RIMS1: variants seen among roughly 807,000 people sequenced by gnomAD.
RIMS1 encodes the protein regulating synaptic membrane exocytosis protein 1.
RIMS1 carries 83 observed loss-of-function variants against 214.1 expected under a neutral mutation model. The ratio of observed to expected loss-of-function variants is 0.39; its 90% CI spans 0.32 to 0.47. RIMS1 has a LOEUF of 0.47. Ranked by LOEUF, RIMS1 falls within the 20% of genes least tolerant of loss-of-function variation. The pLI, the probability that RIMS1 is intolerant of heterozygous loss-of-function variation, is 0.99. For missense variants in RIMS1, 2,050 were observed against 2,161.8 expected (o/e 0.95, Z 1.03); for synonymous variants, 793 against 786.8 (o/e 1.01, Z -0.13).
chr6:71,990,342 C>T lies in RIMS1; in HGVS notation c.245+21279C>T, dbSNP rs146439652. 1.1e-4 allele frequency among the ~76,000 whole-genome samples: 17 copies of T among 152,224 alleles called. No individual in the cohort carries two copies. In the East Asian group the frequency reaches 3.3e-3, roughly 29 times the overall value. ...TGAGGCTTCACTCACTACAGGGTTA[C>T]AGGCATTGAAGTTTTGTTTTGCTCC... On this transcript the variant is annotated intron_variant, in intron 2 of 33. Coordinates refer to ENST00000521978, the MANE Select transcript of RIMS1 (RefSeq NM_014989.7).
intron 4 of RIMS1, among the ~76,000 whole-genome samples, chr6:72,126,322 G>A (rs1042709385): frequency 1.3e-5 from 2 of 152,096 alleles, no homozygotes; most frequent in Non-Finnish European, 2.9e-5. Flanking sequence ...AAGTATTCTG[G>A]AAGATAACAT....
chr6:72,130,333 A>G (rs2040246560), intron 4 of RIMS1, among the ~76,000 whole-genome samples: 1 of 152,138 alleles, frequency 6.6e-6, no homozygotes, highest in Non-Finnish European at 1.5e-5. Context: ...CTTTTCAGAG[A>G]AAATCATTTT....
chr6:72,181,823 G>A (rs1231631413), intron 5 of RIMS1, among the ~76,000 whole-genome samples: 2 of 152,194 alleles, frequency 1.3e-5, no homozygotes, highest in Non-Finnish European at 2.9e-5. Context: ...AAAATTAAAG[G>A]TAGAGATGAG....
intron 2 of RIMS1, among the ~76,000 whole-genome samples, chr6:72,073,756 C>A (rs557509894): frequency 6.6e-6 from 1 of 152,176 alleles, no homozygotes; most frequent in Non-Finnish European, 1.5e-5. Flanking sequence ...TTCAGTTCTG[C>A]CTTTATCTAT....
At chr6:72,154,818 A>G (rs75082332) in intron 4 of RIMS1, among the ~76,000 whole-genome samples, 1,501 of 140,808 alleles carry the variant, frequency 0.011, 284 homozygotes, top group Non-Finnish European at 0.018. Flanking sequence ...AAATGAGAAC[A>G]TAGTGTTTGA....
Position 72,251,099 on chromosome 6 carries a change from T to C in RIMS1, c.2544+7T>C. The C allele has an allele frequency of 6.4e-7, 1 of 1,572,920 alleles. No homozygotes were observed. On this transcript the variant is annotated splice_region_variant and intron_variant, in intron 14 of 33. Transcript: ENST00000521978. ...AAGTGAATTTCTTGGAGAGGTGATG[T>C]ATATTTTAAAAACTCAAGTCAAATA...
chr6:71,972,989 C>T (rs1373823154), intron 2 of RIMS1, among the ~76,000 whole-genome samples: 1 of 152,186 alleles, frequency 6.6e-6, no homozygotes, highest in African/African-American at 2.4e-5. Context: ...AATCTCAGCT[C>T]ACTGCAACCT....
intron 2 of RIMS1, among the ~76,000 whole-genome samples, chr6:71,989,792 C>T (rs1801039236): frequency 6.6e-6 from 1 of 152,156 alleles, no homozygotes; most frequent in Non-Finnish European, 1.5e-5. Context: ...GGAATAGGAG[C>T]TATTCCACTG....
intron 2 of RIMS1, among the ~76,000 whole-genome samples, chr6:72,082,194 T>G (rs971551497): frequency 6.6e-6 from 1 of 152,240 alleles, no homozygotes; most frequent in Non-Finnish European, 1.5e-5. Context: ...TCAATCTATG[T>G]ATTTTATTTC....
intron 1 of RIMS1, among the ~76,000 whole-genome samples, chr6:71,958,016 C>T (rs1791798943): frequency 6.6e-6 from 1 of 152,060 alleles, no homozygotes; most frequent in Non-Finnish European, 1.5e-5. Context: ...AAGGCTTTAT[C>T]AAGATGTTGT....
chr6:72,234,751 G>T (rs1005482984), intron 7 of RIMS1, among the ~76,000 whole-genome samples: 1 of 151,926 alleles, frequency 6.6e-6, no homozygotes, highest in African/African-American at 2.4e-5. Flanking sequence ...CTAAGTCCCT[G>T]ACAGCCACTG....
intron 2 of RIMS1, among the ~76,000 whole-genome samples, chr6:72,028,130 T>G (rs1480135026): frequency 6.6e-6 from 1 of 152,140 alleles, no homozygotes; most frequent in East Asian, 1.9e-4. Context: ...GTACAATGAT[T>G]ATTTGATTTA....
rs191285470 is a variant in RIMS1 at position 72,188,435 on chromosome 6, T to C, written c.1678+5286T>C. On this transcript the variant is annotated intron_variant, in intron 6 of 33. Coordinates refer to ENST00000521978, the MANE Select transcript of RIMS1 (RefSeq NM_014989.7). ...CATAGAGTTAACAACACTGAAATGC[T>C]GATATGAAGTCAATAAATCTTATGT... Among the ~76,000 whole-genome samples the C allele has an allele frequency of 2.9e-3, 435 of 152,288 alleles. 1 individual carries two copies. The highest frequency in any genetic ancestry group is 4.2e-3 in the Non-Finnish European group (283 of 68,022).
intron 1 of RIMS1, among the ~76,000 whole-genome samples, chr6:71,905,097 A>T (rs762461445): frequency 1.3e-5 from 2 of 151,986 alleles, no homozygotes; most frequent in Non-Finnish European, 2.9e-5. Context: ...CCCTCCTCCC[A>T]TTTAAGCCAT....
chr6:72,167,844 A>G (rs1050621162), intron 4 of RIMS1, among the ~76,000 whole-genome samples: 1 of 151,784 alleles, frequency 6.6e-6, no homozygotes, highest in Admixed American at 6.6e-5. Context: ...GATTTTATCA[A>G]TTTTATTAAT....
chr6:72,342,351 T>C (rs1006381304), intron 29 of RIMS1, among the ~76,000 whole-genome samples: 3 of 151,736 alleles, frequency 2.0e-5, no homozygotes, highest in African/African-American at 7.3e-5. Context: ...CAGGATGTAC[T>C]CTGGGTGGGA....
intron 1 of RIMS1, among the ~76,000 whole-genome samples, chr6:71,891,327 G>A (rs1769813570): frequency 6.6e-6 from 1 of 152,220 alleles, no homozygotes; most frequent in African/African-American, 2.4e-5. Flanking sequence ...TCAGTCCATG[G>A]TATGAATTGA....
rs796095211 is a variant in RIMS1, at chr6:72,264,089, A to T, written c.3117-886A>T. 6.7e-5 allele frequency: 54 copies of T among 809,148 alleles called. No individual in the cohort carries two copies. In the African/African-American group the frequency reaches 9.5e-4, roughly 14 times the overall value. The allele number at this position is 809,148 out of a possible 1,614,324, so 50.1% of individuals were successfully genotyped here. On this transcript the variant is annotated intron_variant, in intron 19 of 33. Transcript: ENST00000521978. ...TTTGATCATTAATATAAACATGATTAAACCAGTGAGGTGTTTGATGTTTAG... is the reference window on the plus strand; with the variant it reads ...TTTGATCATTAATATAAACATGATTTAACCAGTGAGGTGTTTGATGTTTAG...
At chr6:72,249,807 A>G (rs2072259506) in intron 12 of RIMS1, among the ~76,000 whole-genome samples, 2 of 152,058 alleles carry the variant, frequency 1.3e-5, no homozygotes, top group Admixed American at 6.6e-5. Flanking sequence ...ATACCAGGAA[A>G]TACTAAACGG....
Sources: allele counts gnomAD v4.1 joint callset (sites outside exome capture counted in the v4.1 genomes callset), GRCh38; gene constraint gnomAD v4.1.1; transcripts MANE v1.5; gene names NCBI Gene and HGNC (gene_info 2026-07-23, HGNC 2026-07-21).